The following ARHGAP10 variants were observed in gnomAD, a reference collection of about 807,000 sequenced individuals.
ARHGAP10 encodes rho GTPase-activating protein 10.
A neutral mutation model predicts 108.6 loss-of-function variants in ARHGAP10; 87 were observed. The ratio of observed to expected loss-of-function variants is 0.80; its 90% CI spans 0.67 to 0.96. The LOEUF (loss-of-function observed/expected upper bound fraction) is 0.96. Among genes scored for constraint, ARHGAP10 ranks in the 40% least tolerant of loss-of-function variants. The pLI is 0.00. For synonymous variants in ARHGAP10, 347 were observed against 341.1 expected, an observed-to-expected ratio of 1.02 and a Z score of -0.19; for missense variants, 939 against 954.5, an observed-to-expected ratio of 0.98 and a Z score of 0.21.
chr4:147,854,094 T>C (rs1463814620), intron 4 of ARHGAP10, among the ~76,000 whole-genome samples: 1 of 152,238 alleles, frequency 6.6e-6, no homozygotes, highest in Non-Finnish European at 1.5e-5. Context: ...CGTATGTCTT[T>C]TTTTTGACCC....
intron 18 of ARHGAP10, among the ~76,000 whole-genome samples, chr4:147,969,724 G>C (rs1739335481): frequency 6.6e-6 from 1 of 152,168 alleles, no homozygotes; most frequent in Non-Finnish European, 1.5e-5. Flanking sequence ...AAATCTTACA[G>C]GAATTTTCCA....
intron 1 of ARHGAP10, among the ~76,000 whole-genome samples, chr4:147,795,523 C>T (rs1033314381): frequency 6.6e-5 from 10 of 151,964 alleles, no homozygotes; most frequent in African/African-American, 1.7e-4. Flanking sequence ...AAACATTCTC[C>T]GGTGCAGCAG....
intron 19 of ARHGAP10, among the ~76,000 whole-genome samples, chr4:148,033,813 A>T (rs1048930429): frequency 6.6e-5 from 10 of 152,192 alleles, no homozygotes; most frequent in African/African-American, 2.4e-4. Flanking sequence ...CTAACTGAGA[A>T]TGACTGTCTC....
chr4:147,800,808 AT>A lies in ARHGAP10; in HGVS notation c.155-21912del, dbSNP rs545050977. Among the ~76,000 whole-genome samples the A allele has an allele frequency of 1.3e-4, 19 of 151,834 alleles. No homozygotes were observed. The East Asian group carries it at 3.7e-3, about 30-fold the overall frequency. On this transcript the variant is annotated intron_variant, in intron 1 of 22. Transcript: ENST00000336498. ...GCTGTCTTGTGCCTTGTCATTCATT[AT>A]TTTTTTCCTTTTTCTTTTTTGACAC...
At chr4:148,052,736 A>T (rs1729200046) in intron 20 of ARHGAP10, among the ~76,000 whole-genome samples, 1 of 152,086 alleles carries the variant, frequency 6.6e-6, no homozygotes, top group Non-Finnish European at 1.5e-5. Context: ...AGTACCTGTT[A>T]CCATACCTAA....
chr4:147,740,083 C>T (rs1728597847), intron 1 of ARHGAP10, among the ~76,000 whole-genome samples: 1 of 114,982 alleles, frequency 8.7e-6, no homozygotes, highest in African/African-American at 3.3e-5. Flanking sequence ...GAGTCTTGCT[C>T]TGTTGCCCAG....
chr4:147,846,928 C>A (rs1733659315), intron 3 of ARHGAP10, among the ~76,000 whole-genome samples: 1 of 152,190 alleles, frequency 6.6e-6, no homozygotes, highest in African/African-American at 2.4e-5. Flanking sequence ...TTGTACATTT[C>A]ACTGGCAATC....
chr4:148,020,089 G>A (rs1741509057), intron 18 of ARHGAP10, among the ~76,000 whole-genome samples: 1 of 152,096 alleles, frequency 6.6e-6, no homozygotes, highest in Non-Finnish European at 1.5e-5. Context: ...TCATGTCAGC[G>A]CTCAAAAGTT....
intron 13 of ARHGAP10, among the ~76,000 whole-genome samples, chr4:147,924,370 C>G (rs1737369511): frequency 6.6e-6 from 1 of 152,034 alleles, no homozygotes; most frequent in African/African-American, 2.4e-5. Flanking sequence ...ACCTTCTTTT[C>G]TCTTTGTTAC....
chr4:148,002,278 G>A (rs1740751869), intron 18 of ARHGAP10, among the ~76,000 whole-genome samples: 1 of 152,124 alleles, frequency 6.6e-6, no homozygotes, highest in Non-Finnish European at 1.5e-5. Flanking sequence ...TGATCATGGT[G>A]GATAAGCTTT....
At chr4:147,970,193 C>T (rs142578066) in intron 18 of ARHGAP10, among the ~76,000 whole-genome samples, 1 of 152,162 alleles carries the variant, frequency 6.6e-6, no homozygotes, top group Non-Finnish European at 1.5e-5. Flanking sequence ...GACAAGGGTG[C>T]TTGTGCAGGA....
Position 148,017,676 on chromosome 4 carries a change from ATAT to A in ARHGAP10, c.1717-5586_1717-5584del, listed in dbSNP as rs1449344927. On this transcript the variant is annotated intron_variant, in intron 18 of 22. Transcript: ENST00000336498. ...ACTATATATATATATATATATATAT[ATAT>A]ATATGTGTGTGTATGTAAAGGAATT... Among the ~76,000 whole-genome samples the A allele has an allele frequency of 3.4e-3, 403 of 119,906 alleles. 11 individuals are homozygous for A. The highest frequency in any genetic ancestry group is 0.014 in the South Asian group (42 of 3,072). 78.7% of individuals were successfully genotyped at this position (119,906 alleles called of 152,430 possible). A position where few individuals can be genotyped will look rare whatever the true frequency, so the allele number is the denominator to read the frequency against.
At chr4:147,887,483 C>T (rs1219381069) in intron 10 of ARHGAP10, among the ~76,000 whole-genome samples, 2 of 152,066 alleles carry the variant, frequency 1.3e-5, no homozygotes, top group African/African-American at 4.8e-5. Flanking sequence ...ACCAATGAAA[C>T]CACCCTTCCC....
At chr4:147,743,255 G>A (rs1283581645) in intron 1 of ARHGAP10, among the ~76,000 whole-genome samples, 3 of 151,864 alleles carry the variant, frequency 2.0e-5, no homozygotes, top group Admixed American at 6.6e-5. Flanking sequence ...GGATGGTCTC[G>A]AATGCTTGAC....
At chr4:147,756,658 T>C (rs192077453) in intron 1 of ARHGAP10, among the ~76,000 whole-genome samples, 1 of 152,298 alleles carries the variant, frequency 6.6e-6, no homozygotes, top group Non-Finnish European at 1.5e-5. Flanking sequence ...CCACACTGTA[T>C]GGTTGTATGT....
chr4:147,829,943 C>T (rs911313217), intron 3 of ARHGAP10, among the ~76,000 whole-genome samples: 1 of 152,094 alleles, frequency 6.6e-6, no homozygotes, highest in Non-Finnish European at 1.5e-5. Context: ...GCGGGAGTGC[C>T]AGGAGAGAGA....
intron 18 of ARHGAP10, among the ~76,000 whole-genome samples, chr4:148,003,181 T>G (rs1319559614): frequency 1.3e-5 from 2 of 152,344 alleles, no homozygotes; most frequent in East Asian, 3.9e-4. Context: ...TACCCAGTAG[T>G]CATTCAGGAG....
intron 12 of ARHGAP10, 134 bp from the exon 13 acceptor site, chr4:147,912,940 G>T (rs1736817263): frequency 3.7e-6 from 3 of 801,614 alleles, no homozygotes; most frequent in Non-Finnish European, 6.1e-6. Context: ...GAGCCAATGT[G>T]CCTATCTGCC....
intron 7 of ARHGAP10, among the ~76,000 whole-genome samples, chr4:147,868,680 G>T (rs973427846): frequency 3.9e-5 from 6 of 152,180 alleles, no homozygotes; most frequent in Admixed American, 3.9e-4. Context: ...ATGCAGTGGG[G>T]GTGGGAGAAG....
Sources: gnomAD v4.1 joint callset for allele counts (sites outside exome capture counted in the v4.1 genomes callset) on GRCh38, gnomAD v4.1.1 for gene constraint, MANE v1.5 for transcripts, NCBI Gene and HGNC (gene_info 2026-07-23, HGNC 2026-07-21) for gene names.